Variants in CACNG4 observed in about 807,000 individuals in gnomAD.
The protein encoded by CACNG4 is voltage-dependent calcium channel gamma-4 subunit.
CACNG4 carries 8 observed loss-of-function variants against 22.9 expected under a neutral mutation model. The observed-to-expected ratio is 0.35, with a 90% CI of 0.21 to 0.63. The LOEUF (loss-of-function observed/expected upper bound fraction) is 0.63, where lower values mean the gene tolerates loss of function less well. Ranked by LOEUF, CACNG4 falls within the 30% of genes least tolerant of loss-of-function variation. The probability of loss-of-function intolerance (pLI) is 0.72; values close to 1 mark genes in which losing one functional copy is unlikely to be tolerated. For synonymous variants in CACNG4, 188 were observed against 191.9 expected (o/e 0.98, Z 0.17); for missense variants, 357 against 455.4 (o/e 0.78, Z 1.97).
chr17:67,012,190 T>C (rs762905375), intron 1 of CACNG4, among the ~76,000 whole-genome samples: 51 of 152,216 alleles, frequency 3.4e-4, no homozygotes, highest in Non-Finnish European at 6.2e-4. Flanking sequence ...AGGTGTTCCC[T>C]GAGCCTCACT....
At chr17:66,995,493 G>A (rs16960447) in intron 1 of CACNG4, among the ~76,000 whole-genome samples, 5,516 of 152,166 alleles carry the variant, frequency 0.036, 327 homozygotes, top group African/African-American at 0.13. Context: ...GCATCTTCTC[G>A]GAGTAGGCCA....
At chr17:67,028,552 C>CAA (rs367788585) in intron 3 of CACNG4, among the ~76,000 whole-genome samples, 5 of 139,780 alleles carry the variant, frequency 3.6e-5, no homozygotes, top group African/African-American at 1.4e-4. Context: ...GACTCCGTCT[C>CAA]AAAAAAGAAA....
intron 2 of CACNG4, among the ~76,000 whole-genome samples, chr17:67,021,152 G>A (rs1046566824): frequency 2.0e-5 from 3 of 151,902 alleles, no homozygotes; most frequent in Non-Finnish European, 2.9e-5. Context: ...AGTGAGCCAC[G>A]ATCGTGCCAC....
At chr17:66,975,485 T>C (rs1157649187) in intron 1 of CACNG4, among the ~76,000 whole-genome samples, 1 of 152,168 alleles carries the variant, frequency 6.6e-6, no homozygotes, top group African/African-American at 2.4e-5. Flanking sequence ...ATTGTTAAGT[T>C]AGGAGCATCA....
chr17:67,007,183 C>G (rs2035442890), intron 1 of CACNG4, among the ~76,000 whole-genome samples: 1 of 151,862 alleles, frequency 6.6e-6, no homozygotes, highest in African/African-American at 2.4e-5. Flanking sequence ...TCAAAACAAA[C>G]AAACAAAAAA....
At chr17:66,967,876 C>G (rs946114369) in intron 1 of CACNG4, among the ~76,000 whole-genome samples, 3 of 152,012 alleles carry the variant, frequency 2.0e-5, no homozygotes, top group African/African-American at 7.3e-5. Context: ...CTTAAGGTAT[C>G]CATGCATTCT....
chr17:66,982,084 T>C lies in CACNG4; in HGVS notation c.220+16953T>C, dbSNP rs149126706. The stretch of plus-strand genomic sequence containing the variant: ...TGAAGCCATGGACGTTTGCGGTGAG[T>C]GTTACAGCTCTTAAAGGTGGCACGG... On this transcript the variant is annotated intron_variant, in intron 1 of 3. Coordinates refer to ENST00000262138, the MANE Select transcript of CACNG4 (RefSeq NM_014405.4). 1.7e-3 allele frequency among the ~76,000 whole-genome samples: 256 copies of C among 152,110 alleles called. 1 individual carries two copies. The highest frequency in any genetic ancestry group is 5.9e-3 in the African/African-American group (246 of 41,476).
chr17:67,027,778 G>C lies in CACNG4; in HGVS notation c.446-2688G>C, dbSNP rs1219226081. On this transcript the variant is annotated intron_variant, in intron 3 of 3. Coordinates refer to ENST00000262138, the MANE Select transcript of CACNG4 (RefSeq NM_014405.4). The surrounding 1 kb of genome is among the most constrained non-coding windows in gnomAD (Gnocchi z 4.3). The stretch of plus-strand genomic sequence containing the variant: ...TCATGCCTGTAATCCCAGCATTTTG[G>C]GAGGCCGAGGCAGGCGGATCACTGG... Among the ~76,000 whole-genome samples the C allele has an allele frequency of 6.6e-6, 1 of 152,176 alleles. No homozygotes were observed. The highest frequency in any genetic ancestry group is 1.5e-5 in the Non-Finnish European group (1 of 68,042).
chr17:67,030,388 C>G lies in CACNG4; in HGVS notation c.446-78C>G, dbSNP rs2035595499. On this transcript the variant is annotated intron_variant, in intron 3 of 3. Transcript: ENST00000262138. This position sits in a 1 kb window ranked among gnomAD's most constrained non-coding sequence, Gnocchi z 6.4. ...GGGGAGTGTCCACCTGTTCCCTACACTGCCCGTCCCACTGTGGGTCTAACC... is the reference window on the plus strand; with the variant it reads ...GGGGAGTGTCCACCTGTTCCCTACAGTGCCCGTCCCACTGTGGGTCTAACC... 3.2e-6 allele frequency: 4 copies of G among 1,266,228 alleles called. No homozygotes were observed. The South Asian group carries it at 5.3e-5, about 17-fold the overall frequency. The allele number at this position is 1,266,228 out of a possible 1,614,324, so 78.4% of individuals were successfully genotyped here.
intron 1 of CACNG4, among the ~76,000 whole-genome samples, chr17:66,968,088 C>A (rs1220455417): frequency 6.6e-6 from 1 of 152,170 alleles, no homozygotes; most frequent in Non-Finnish European, 1.5e-5. Context: ...GCTGTCTTCA[C>A]CCCCATCTGC....
rs1438436341 is a variant in CACNG4 at position 66,964,859 on chromosome 17, C to G, written c.-53C>G. On this transcript the variant is annotated 5_prime_UTR_variant, in exon 1 of 4. Transcript: ENST00000262138. ...GGAGCGGCGCGCGGAGGGAGGAGGG[C>G]GGGCGGGCGCGGCGGGCCGGGCCGG... 12 of 1,132,462 alleles carry G rather than the reference C, an allele frequency of 1.1e-5. No homozygotes were observed. Among genetic ancestry groups the G allele is most frequent in the Non-Finnish European group, 1.3e-5 (12 of 902,564 alleles). 70.2% of individuals were successfully genotyped at this position (1,132,462 alleles called of 1,614,324 possible).
At position 67,031,484 on chromosome 17, in the gene CACNG4, C is replaced by T. The variant is rs552411062; in HGVS notation, c.*480C>T. 2 of 457,762 alleles carry T rather than the reference C, an allele frequency of 4.4e-6. No homozygotes were observed. Among genetic ancestry groups the T allele is most frequent in the East Asian group, 6.9e-5 (1 of 14,412 alleles). The allele number at this position is 457,762 out of a possible 1,614,324, so 28.4% of individuals were successfully genotyped here. On this transcript the variant is annotated 3_prime_UTR_variant, in exon 4 of 4. Coordinates refer to ENST00000262138, the MANE Select transcript of CACNG4 (RefSeq NM_014405.4). This position sits in a 1 kb window ranked among gnomAD's most constrained non-coding sequence, Gnocchi z 4.0. ...GCTGCTTTTGAACCTGAGGTTCCTG[C>T]GTCGTTGAGCCAGAAATCAGACCAC... is the stretch of plus-strand genomic sequence containing the variant.
rs1035673975 is a variant in CACNG4 at position 67,032,411 on chromosome 17, T to A, written c.*1407T>A. ...TCTAAAGAAAAATTGTTTCTTATTT[T>A]TTGAGACTCCTTGATCCACCCTGGA... On this transcript the variant is annotated 3_prime_UTR_variant, in exon 4 of 4. Coordinates refer to ENST00000262138, the MANE Select transcript of CACNG4 (RefSeq NM_014405.4). 1.5e-5 allele frequency: 3 copies of A among 203,912 alleles called. No homozygotes were observed. The Admixed American group carries it at 1.6e-4, about 11-fold the overall frequency. 12.6% of individuals were successfully genotyped at this position (203,912 alleles called of 1,614,324 possible).
intron 1 of CACNG4, among the ~76,000 whole-genome samples, chr17:66,995,756 AG>A (rs1256169310): frequency 1.3e-5 from 2 of 152,134 alleles, no homozygotes; most frequent in African/African-American, 4.8e-5. Context: ...AGGCTGAGGC[AG>A]GAGAATTGCT....
chr17:66,999,093 G>A (rs1054062467), intron 1 of CACNG4, among the ~76,000 whole-genome samples: 4 of 152,122 alleles, frequency 2.6e-5, no homozygotes, highest in African/African-American at 4.8e-5. Context: ...GGCAATCCTG[G>A]GCAACTCACT....
At chr17:66,996,568 A>G (rs1000079560) in intron 1 of CACNG4, among the ~76,000 whole-genome samples, 4 of 151,906 alleles carry the variant, frequency 2.6e-5, no homozygotes, top group Non-Finnish European at 5.9e-5. Flanking sequence ...TTTGGTAGAG[A>G]CAGGGTTTCA....
chr17:66,967,888 G>T (rs914506384), intron 1 of CACNG4, among the ~76,000 whole-genome samples: 9 of 152,082 alleles, frequency 5.9e-5, no homozygotes, highest in African/African-American at 2.2e-4. Flanking sequence ...ATGCATTCTG[G>T]CAGGGCTACG....
chr17:66,989,284 C>A (rs953927540), intron 1 of CACNG4, among the ~76,000 whole-genome samples: 3 of 150,834 alleles, frequency 2.0e-5, no homozygotes, highest in Non-Finnish European at 4.4e-5. Context: ...AGGTCATACT[C>A]CATTAGAATA....
intron 1 of CACNG4, among the ~76,000 whole-genome samples, chr17:67,003,536 A>C (rs2035420583): frequency 6.6e-6 from 1 of 152,138 alleles, no homozygotes; most frequent in Admixed American, 6.5e-5. Context: ...CAGGACATTT[A>C]TTCATCACCA....
Sources: allele counts gnomAD v4.1 joint callset (sites outside exome capture counted in the v4.1 genomes callset), GRCh38; gene constraint gnomAD v4.1.1; non-coding constraint Gnocchi (gnomAD v3.1); transcripts MANE v1.5; gene names NCBI Gene and HGNC (gene_info 2026-07-23, HGNC 2026-07-21).